The following TTC34 variants were observed in gnomAD, a reference collection of about 807,000 sequenced individuals.
TTC34 encodes the protein tetratricopeptide repeat protein 34.
Under a neutral mutation model 40.7 loss-of-function variants are expected in TTC34, and 44 were observed. That is an observed-to-expected ratio of 1.08 (90% CI 0.85 to 1.39). TTC34 has a LOEUF of 1.39. Among genes scored for constraint, TTC34 ranks in the 40% most tolerant of loss-of-function variants. The pLI is 0.00. For synonymous variants in TTC34, 422 were observed against 398.6 expected (o/e 1.06, Z -0.70); for missense variants, 884 against 838.0 (o/e 1.05, Z -0.68).
intron 7 of TTC34, 84 bp from the exon 8 acceptor site, chr1:2,644,562 C>T (rs539360301): frequency 2.8e-4 from 387 of 1,360,510 alleles, no homozygotes; most frequent in Non-Finnish European, 3.5e-4. Context: ...CGCTCCTTCC[C>T]TGCCCTGTGC....
At position 2,750,929 on chromosome 1, in the gene TTC34, T is replaced by C. The variant is rs1179302774; in HGVS notation, c.2226+32680A>G. On this transcript the variant is annotated intron_variant, in intron 6 of 8. Coordinates refer to ENST00000401095, the Ensembl canonical transcript of TTC34. ...AACGCACGGAGCAGCACCCACACCTTCAGGCGAGCATCGGACAGCCTGGAG... is the reference window on the plus strand; with the variant it reads ...AACGCACGGAGCAGCACCCACACCTCCAGGCGAGCATCGGACAGCCTGGAG... 5.1e-3 allele frequency among the ~76,000 whole-genome samples: 41 copies of C among 8,108 alleles called. 1 individual carries two copies. The highest frequency in any genetic ancestry group is 0.016 in the East Asian group (3 of 188). 5.3% of individuals were successfully genotyped at this position (8,108 alleles called of 152,430 possible).
At chr1:2,644,597 C>T (rs747961554) in intron 7 of TTC34, 119 bp from the exon 8 acceptor site, 207 of 1,069,654 alleles carry the variant, frequency 1.9e-4, no homozygotes, top group Non-Finnish European at 2.7e-4. Flanking sequence ...CTGATGATGG[C>T]TCAGCCCAGG....
At chr1:2,677,684 CCCATACGCCCAGATGAGCA>C (rs1639961123) in intron 6 of TTC34, among the ~76,000 whole-genome samples, 7 of 150,786 alleles carry the variant, frequency 4.6e-5, no homozygotes, top group South Asian at 2.1e-4. Flanking sequence ...TGGAACAGCA[CCCATACGCCCAGATGAGCA>C]TCTGACAGCC....
chr1:2,683,365 T>G, intron 6 of TTC34, among the ~76,000 whole-genome samples: 1 of 128,568 alleles, frequency 7.8e-6, no homozygotes, highest in Non-Finnish European at 1.6e-5. Flanking sequence ...CAGGTGAGCA[T>G]CTGATGGCTT....
intron 6 of TTC34, among the ~76,000 whole-genome samples, chr1:2,750,705 C>T (rs1641290352): frequency 4.0e-5 from 5 of 126,436 alleles, no homozygotes; most frequent in East Asian, 2.8e-4. Flanking sequence ...GAGCATCCGA[C>T]AGCCTGGAGC....
intron 6 of TTC34, among the ~76,000 whole-genome samples, chr1:2,699,652 AC>A (rs1641038868): frequency 1.5e-5 from 1 of 65,998 alleles, no homozygotes; most frequent in African/African-American, 4.3e-5. Context: ...AAGCGCCCAA[AC>A]CCCAAGGTGA....
intron 6 of TTC34, among the ~76,000 whole-genome samples, chr1:2,674,839 A>T: frequency 9.9e-6 from 1 of 100,848 alleles, no homozygotes; most frequent in African/African-American, 3.2e-5. Flanking sequence ...CAGCACCCAC[A>T]ACCACAGGTG....
At chr1:2,750,971 AG>A (rs1185768574) in intron 6 of TTC34, among the ~76,000 whole-genome samples, 1 of 115,486 alleles carries the variant, frequency 8.7e-6, no homozygotes. Context: ...CCACACCCCC[AG>A]GTGCGCATGT....
intron 2 of TTC34, among the ~76,000 whole-genome samples, chr1:2,790,844 C>G (rs1643654856): frequency 6.6e-6 from 1 of 152,180 alleles, no homozygotes; most frequent in South Asian, 2.1e-4. Context: ...TTCTTTGGGC[C>G]AAGTGGGGAC....
intron 2 of TTC34, among the ~76,000 whole-genome samples, chr1:2,794,168 T>C (rs1008859153): frequency 1.3e-5 from 2 of 151,956 alleles, no homozygotes; most frequent in Non-Finnish European, 2.9e-5. Context: ...ATAAGTTTTT[T>C]TGTATTTTAA....
exon 8 of TTC34, chr1:2,644,437 G>C: frequency 6.5e-7 from 1 of 1,535,538 alleles, no homozygotes; most frequent in Non-Finnish European, 8.7e-7. Context: ...GGGGCACGGT[G>C]CAGGGCTTTT....
rs1385048418 is a variant in TTC34 at position 2,750,479 on chromosome 1, C to G, written c.2226+33130G>C. Among the ~76,000 whole-genome samples the G allele has an allele frequency of 4.9e-4, 69 of 140,384 alleles. 16 individuals carry two copies. Among genetic ancestry groups the G allele is most frequent in the East Asian group, 1.3e-3 (6 of 4,460 alleles). The allele number at this position is 140,384 out of a possible 152,430, so 92.1% of individuals were successfully genotyped here. On this transcript the variant is annotated intron_variant, in intron 6 of 8. Transcript: ENST00000401095. ...AGTATCTGACGGCCTGGAACAGCAC[C>G]CACACCCCCAGTTGAGCATTGGACA... is the stretch of plus-strand genomic sequence containing the variant.
At chr1:2,673,825 G>C (rs1639789477) in intron 6 of TTC34, among the ~76,000 whole-genome samples, 4 of 28,052 alleles carry the variant, frequency 1.4e-4, no homozygotes, top group African/African-American at 6.5e-4. Context: ...AGAGTCTGGA[G>C]CAGCACCAAC....
At chr1:2,684,326 G>A (rs1640218522) in intron 6 of TTC34, among the ~76,000 whole-genome samples, 1 of 138,212 alleles carries the variant, frequency 7.2e-6, no homozygotes, top group Non-Finnish European at 1.6e-5. Context: ...CCCCAAGTGA[G>A]CATCTGATGG....
intron 6 of TTC34, among the ~76,000 whole-genome samples, chr1:2,756,483 GACAGCCTGGAAC>G: frequency 9.8e-6 from 1 of 101,596 alleles, no homozygotes; most frequent in South Asian, 3.9e-4. Context: ...GCGAGTATCT[GACAGCCTGGAAC>G]AGCATCCTGC....
At chr1:2,648,448 T>C (rs1322295164) in intron 6 of TTC34, among the ~76,000 whole-genome samples, 1 of 152,218 alleles carries the variant, frequency 6.6e-6, no homozygotes, top group African/African-American at 2.4e-5. Context: ...ATGCCCAAGA[T>C]GTTCAGAAAA....
chr1:2,656,337 C>G (rs1390096203), intron 6 of TTC34, among the ~76,000 whole-genome samples: 1 of 150,910 alleles, frequency 6.6e-6, no homozygotes, highest in African/African-American at 2.4e-5. Context: ...CACTCACACC[C>G]CCAGGTGAGC....
chr1:2,785,778 G>T, intron 5 of TTC34, 41 bp downstream of exon 5: 6 of 1,524,532 alleles, frequency 3.9e-6, no homozygotes, highest in Non-Finnish European at 5.3e-6. Context: ...CCCTGTGCCT[G>T]GCACAAGACT....
intron 6 of TTC34, among the ~76,000 whole-genome samples, chr1:2,767,802 C>G (rs2100476537): frequency 6.8e-6 from 1 of 147,952 alleles, no homozygotes; most frequent in African/African-American, 2.5e-5. Flanking sequence ...GGGCAGCACC[C>G]ACACTCCCAG....
Sources: allele counts gnomAD v4.1 joint callset (sites outside exome capture counted in the v4.1 genomes callset), GRCh38; gene constraint gnomAD v4.1.1; transcripts MANE v1.5; gene names NCBI Gene and HGNC (gene_info 2026-07-23, HGNC 2026-07-21).